ZZEF1: variants seen among roughly 807,000 people sequenced by gnomAD.
ZZEF1 encodes zinc finger ZZ-type and EF-hand domain-containing protein 1.
Under a neutral mutation model 342.8 loss-of-function variants are expected in ZZEF1, and 157 were observed. The ratio of observed to expected loss-of-function variants is 0.46; its 90% CI spans 0.40 to 0.52. The LOEUF (loss-of-function observed/expected upper bound fraction) is 0.52, where lower values mean the gene tolerates loss of function less well. ZZEF1 is among the 20% of genes least tolerant of loss of function. The probability of loss-of-function intolerance (pLI) is 0.00; values close to 1 mark genes in which losing one functional copy is unlikely to be tolerated. For missense variants in ZZEF1, 3,480 were observed against 3,725.6 expected (o/e 0.93, Z 1.72); for synonymous variants, 1,505 against 1,429.1 (o/e 1.05, Z -1.20).
At chr17:4,007,591 G>A (rs1019894220) in intron 54 of ZZEF1, among the ~76,000 whole-genome samples, 3 of 152,214 alleles carry the variant, frequency 2.0e-5, no homozygotes, top group Non-Finnish European at 4.4e-5. Context: ...AAGCCGCCAT[G>A]CTGAGCTTTG....
In ZZEF1 at chr17:4,006,937, T is replaced by C; in HGVS notation, c.8839A>G (p.Ile2947Val). Residue 2947 changes from isoleucine to valine, a missense_variant, in exon 55 of 55, where the codon ATC becomes GTC. Around this residue, in one of 5 missense-constraint regions of ZZEF1, gnomAD observed 1,269 missense variants for 1,342.4 expected, o/e 0.95. Coordinates refer to ENST00000381638, the MANE Select transcript of ZZEF1 (RefSeq NM_015113.4). ...LQNIAAISLA[I>V]NYPNKATRLW... is the part of the protein sequence containing the mutation. ...CGGGTGGCCTTGTTTGGGTAGTTGATGGCCAGGCTGATGGCAGCAATGTTC... is the reference window on the plus strand; with the variant it reads ...CGGGTGGCCTTGTTTGGGTAGTTGACGGCCAGGCTGATGGCAGCAATGTTC... 1 of 1,578,734 alleles carries C rather than the reference T, an allele frequency of 6.3e-7. No individual in the cohort carries two copies.
At position 4,017,202 on chromosome 17, in the gene ZZEF1, C is replaced by A. The variant is rs971091218; in HGVS notation, c.8001+169G>T. 3.1e-6 allele frequency: 3 copies of A among 962,326 alleles called. No homozygotes were observed. In the East Asian group the frequency reaches 8.0e-5, roughly 26 times the overall value. The allele number at this position is 962,326 out of a possible 1,614,324, so 59.6% of individuals were successfully genotyped here. On this transcript the variant is annotated intron_variant, in intron 48 of 54. Transcript: ENST00000381638. This position sits in a 1 kb window ranked among gnomAD's most constrained non-coding sequence, Gnocchi z 5.1. ...TCAGGGCCCCTGAGTTCCTCACTAG[C>A]CCAATCCTTGGGAGAGGATACAGTG...
intron 33 of ZZEF1, among the ~76,000 whole-genome samples, chr17:4,054,522 A>G (rs1042707025): frequency 1.3e-5 from 2 of 152,228 alleles, no homozygotes; most frequent in African/African-American, 4.8e-5. Flanking sequence ...AACAGGTACT[A>G]GACGGGTCGG....
chr17:4,094,656 T>G (rs1243079643), intron 11 of ZZEF1, among the ~76,000 whole-genome samples: 2 of 152,056 alleles, frequency 1.3e-5, no homozygotes, highest in East Asian at 1.9e-4. Flanking sequence ...TTCCCCAGAG[T>G]AAGAAAGGCA....
rs542009373 is a variant in ZZEF1 at position 4,127,444 on chromosome 17, G to T, written c.355-3393C>A. Among the ~76,000 whole-genome samples the T allele has an allele frequency of 7.9e-5, 12 of 152,294 alleles. No homozygotes were observed. In the South Asian group the frequency reaches 8.3e-4, roughly 11 times the overall value. On this transcript the variant is annotated intron_variant, in intron 1 of 54. Coordinates refer to ENST00000381638, the MANE Select transcript of ZZEF1 (RefSeq NM_015113.4). ...TATGGATGAAATGATATGATGTCAA[G>T]ATTCACTTCAAAATAATATGGATAG...
At chr17:4,122,002 C>T (rs1042040154) in intron 2 of ZZEF1, among the ~76,000 whole-genome samples, 1 of 152,152 alleles carries the variant, frequency 6.6e-6, no homozygotes, top group Non-Finnish European at 1.5e-5. Context: ...CAGGCATGAG[C>T]CACCATGTCT....
intron 42 of ZZEF1, among the ~76,000 whole-genome samples, chr17:4,029,874 CAAAAAAAAAAA>C (rs58293642): frequency 4.9e-5 from 4 of 82,268 alleles, no homozygotes; most frequent in Non-Finnish European, 8.5e-5. Flanking sequence ...AACTCCATCT[CAAAAAAAAAAA>C]AAAAAAAAAA....
In ZZEF1 at chr17:4,042,423, C is replaced by T. The variant is rs535192496; in HGVS notation, c.6306+6G>A. On this transcript the variant is annotated splice_donor_region_variant and intron_variant, in intron 39 of 54. Transcript: ENST00000381638. Reference sequence around the variant, plus strand: ...ACCCCCACTTTTAAAAATAAATTGCCCTTACCGACTTTAAGGGAGGTAACA... The same window carrying T: ...ACCCCCACTTTTAAAAATAAATTGCTCTTACCGACTTTAAGGGAGGTAACA... 4.4e-6 allele frequency: 7 copies of T among 1,608,266 alleles called. No homozygotes were observed. Among genetic ancestry groups the T allele is most frequent in the Non-Finnish European group, 5.9e-6 (7 of 1,178,166 alleles).
At chr17:4,077,681 T>C (rs1399823276) in intron 19 of ZZEF1, among the ~76,000 whole-genome samples, 2 of 152,202 alleles carry the variant, frequency 1.3e-5, no homozygotes, top group Non-Finnish European at 2.9e-5. Flanking sequence ...TACTTAGGCA[T>C]ACCACCACAC....
chr17:4,013,210 GA>G (rs1198860482), intron 52 of ZZEF1, among the ~76,000 whole-genome samples: 1 of 152,060 alleles, frequency 6.6e-6, no homozygotes, highest in Non-Finnish European at 1.5e-5. Context: ...CTCTAAGTGT[GA>G]AAGGAAAAAC....
chr17:4,138,973 C>T (rs893204419), intron 1 of ZZEF1, among the ~76,000 whole-genome samples: 1 of 149,892 alleles, frequency 6.7e-6, no homozygotes, highest in Non-Finnish European at 1.5e-5. Context: ...GTCCATGGTC[C>T]AACTCCAAGA....
rs1164919369 is a variant in ZZEF1 at position 4,111,435 on chromosome 17, G to A, written c.1066+1174C>T. On this transcript the variant is annotated intron_variant, in intron 5 of 54. Transcript: ENST00000381638. ...AGCACTGTGGAAGGCCGAGGCGGGCGGATCATGAGGTCAGTAGTTCGAGAC... is the reference window on the plus strand; with the variant it reads ...AGCACTGTGGAAGGCCGAGGCGGGCAGATCATGAGGTCAGTAGTTCGAGAC... Among the ~76,000 whole-genome samples the A allele has an allele frequency of 5.9e-5, 9 of 152,062 alleles. No homozygotes were observed. The East Asian group carries it at 7.7e-4, about 13-fold the overall frequency.
chr17:4,021,186 C>T lies in ZZEF1; in HGVS notation c.7347G>A (p.Glu2449=). The T allele has an allele frequency of 6.2e-7, 1 of 1,614,130 alleles. No homozygotes were observed. The highest frequency in any genetic ancestry group is 8.5e-7 in the Non-Finnish European group (1 of 1,180,010). Residue 2449 remains glutamate (E), a synonymous_variant, in exon 45 of 55, where the codon GAG becomes GAA. Transcript: ENST00000381638. ...ERPVSSPGDP[E]QKKLDPLEGL... The stretch of plus-strand genomic sequence containing the variant: ...CCTCAAGGGGGTCCAGCTTTTTCTG[C>T]TCTGGGTCGCCAGGGCTGCTGACTG...
intron 1 of ZZEF1, among the ~76,000 whole-genome samples, chr17:4,137,401 G>A (rs1266117846): frequency 1.3e-5 from 2 of 152,170 alleles, no homozygotes; most frequent in East Asian, 1.9e-4. Flanking sequence ...ACAAGGTCAG[G>A]AGATCGAGAC....
chr17:4,099,865 C>A (rs1225264250), intron 9 of ZZEF1, among the ~76,000 whole-genome samples: 1 of 151,972 alleles, frequency 6.6e-6, no homozygotes, highest in Non-Finnish European at 1.5e-5. Context: ...TATTTTAAAT[C>A]TATAAGTTTT....
intron 52 of ZZEF1, among the ~76,000 whole-genome samples, chr17:4,012,052 C>T (rs780521888): frequency 7.2e-5 from 11 of 152,222 alleles, no homozygotes; most frequent in South Asian, 2.1e-4. Context: ...CGGGATTGTC[C>T]CCACTGGAAA....
chr17:4,032,755 C>A, intron 41 of ZZEF1, 73 bp downstream of exon 41: 1 of 1,509,436 alleles, frequency 6.6e-7, no homozygotes, highest in Non-Finnish European at 9.1e-7. Context: ...TATCCGGAAG[C>A]CACAGAGGCT....
intron 28 of ZZEF1, among the ~76,000 whole-genome samples, chr17:4,065,158 C>A (rs1451035183): frequency 1.3e-5 from 2 of 152,114 alleles, no homozygotes; most frequent in Non-Finnish European, 2.9e-5. Flanking sequence ...AATCCCAGCA[C>A]TTTGGGAGGC....
chr17:4,012,970 G>A (rs985691897), intron 52 of ZZEF1, among the ~76,000 whole-genome samples: 1 of 151,442 alleles, frequency 6.6e-6, no homozygotes, highest in African/African-American at 2.4e-5. Flanking sequence ...ATAAATAGAG[G>A]AATATATAAT....
Sources: gnomAD v4.1 joint callset for allele counts (sites outside exome capture counted in the v4.1 genomes callset) on GRCh38, gnomAD v4.1.1 for gene constraint, gnomAD v4.1.1 regional missense constraint, Gnocchi (gnomAD v3.1) non-coding constraint, MANE v1.5 for transcripts, NCBI Gene and HGNC (gene_info 2026-07-23, HGNC 2026-07-21) for gene names.